TRIO: variants seen among roughly 807,000 people sequenced by gnomAD.
TRIO encodes trio Rho guanine nucleotide exchange factor, also known as triple functional domain protein.
Under a neutral mutation model 351.9 loss-of-function variants are expected in TRIO, and 58 were observed. The ratio of observed to expected loss-of-function variants is 0.16; its 90% CI spans 0.13 to 0.21. The LOEUF (loss-of-function observed/expected upper bound fraction) is 0.21, where lower values mean the gene tolerates loss of function less well. Ranked by LOEUF, TRIO falls within the 10% of genes least tolerant of loss-of-function variation. TRIO has a pLI of 1.00. For missense variants in TRIO, 3,201 were observed against 4,027.8 expected (o/e 0.79, Z 5.56); for synonymous variants, 1,758 against 1,595.7 (o/e 1.10, Z -2.42).
chr5:14,487,808 C>A lies in TRIO; in HGVS notation c.7180C>A (p.Pro2394Thr), dbSNP rs1403489053. ...CGGCCCCAGCGCGCCCAGCAGGCGG[C>A]CCCCCGGCGCGGACGCCGAGGGGTC... ...EAGPSAPSRRPPGADAEGSER... is the reference protein window; with the variant it reads ...EAGPSAPSRRTPGADAEGSER... The change falls in exon 48 of 57, where the codon CCC (proline) becomes ACC (threonine). Residue 2394 changes from proline (P) to threonine (T), a missense_variant. Around this residue, in one of 19 missense-constraint regions of TRIO, gnomAD observed 1,089 missense variants for 954.9 expected, o/e 1.14. Transcript: ENST00000344204. 3 of 1,416,114 alleles carry A rather than the reference C, an allele frequency of 2.1e-6. No individual in the cohort carries two copies. The highest frequency in any genetic ancestry group is 3.2e-5 in the East Asian group (1 of 31,314). The allele number at this position is 1,416,114 out of a possible 1,614,324, so 87.7% of individuals were successfully genotyped here. A position where few individuals can be genotyped will look rare whatever the true frequency, so the allele number is the denominator to read the frequency against.
At chr5:14,409,775 C>T (rs1237215092) in intron 33 of TRIO, among the ~76,000 whole-genome samples, 1 of 146,882 alleles carries the variant, frequency 6.8e-6, no homozygotes, top group African/African-American at 2.5e-5. Flanking sequence ...GCAGAGCTTG[C>T]AGTGAGCCAA....
rs779397277 is a variant in TRIO, at chr5:14,366,948, G to A, written c.2843G>A (p.Arg948Gln). Residue 948 changes from arginine to glutamine, a missense_variant, in exon 16 of 57, where the codon CGA becomes CAA. By Grantham distance (43) the Arg-to-Gln change is conservative. Coordinates refer to ENST00000344204, the MANE Select transcript of TRIO (RefSeq NM_007118.4). The part of the protein sequence containing the change: ...SSLQEAEQLQ[R>Q]EHEQFQHAIE... ...TTACAAGAGGCAGAGCAGCTCCAGC[G>A]AGAGCACGAGCAGTTCCAGCATGCC... 7 of 1,614,176 alleles carry A rather than the reference G, an allele frequency of 4.3e-6. No individual in the cohort carries two copies. Among genetic ancestry groups the A allele is most frequent in the Admixed American group, 1.7e-5 (1 of 60,030 alleles).
intron 1 of TRIO, among the ~76,000 whole-genome samples, chr5:14,169,197 C>CTTTTTTTTTTTTTTTTTTTTT (rs3994005): frequency 7.1e-6 from 1 of 140,410 alleles, no homozygotes; most frequent in Non-Finnish European, 1.6e-5. Context: ...ATAAAACTGC[C>CTTTTTTTTTTTTTTTTTTTTT]TTTTTTTTTT....
chr5:14,288,530 G>A (rs1259498936), intron 4 of TRIO, among the ~76,000 whole-genome samples: 24 of 152,162 alleles, frequency 1.6e-4, no homozygotes, highest in Admixed American at 1.6e-3. Flanking sequence ...AGCCGGGCGT[G>A]GTGGCAGGCA....
At chr5:14,231,455 A>C (rs1322421490) in intron 1 of TRIO, among the ~76,000 whole-genome samples, 1 of 152,192 alleles carries the variant, frequency 6.6e-6, no homozygotes, top group African/African-American at 2.4e-5. Flanking sequence ...TATACATTTT[A>C]TTATTGGACC....
At chr5:14,328,756 G>T (rs773351708) in intron 9 of TRIO, among the ~76,000 whole-genome samples, 1 of 152,120 alleles carries the variant, frequency 6.6e-6, no homozygotes, top group Non-Finnish European at 1.5e-5. Context: ...GGAACCTGAA[G>T]CTGAGAAGGA....
At chr5:14,187,915 T>C (rs950006317) in intron 1 of TRIO, among the ~76,000 whole-genome samples, 10 of 152,226 alleles carry the variant, frequency 6.6e-5, no homozygotes, top group Non-Finnish European at 1.5e-4. Context: ...CTGAAGTTTT[T>C]ATTTGTTCTG....
intron 15 of TRIO, among the ~76,000 whole-genome samples, chr5:14,366,637 G>C (rs1744619974): frequency 6.6e-6 from 1 of 152,086 alleles, no homozygotes; most frequent in Admixed American, 6.5e-5. Flanking sequence ...TTTCCCATTT[G>C]CTACTAAAAA....
At chr5:14,365,894 G>A (rs1428943982) in intron 15 of TRIO, among the ~76,000 whole-genome samples, 2 of 152,118 alleles carry the variant, frequency 1.3e-5, no homozygotes, top group Non-Finnish European at 2.9e-5. Context: ...GAAGGGGAAC[G>A]CATAATGAGA....
chr5:14,293,020 C>T lies in TRIO; in HGVS notation c.1062C>T (p.Asp354=). The T allele has an allele frequency of 6.2e-7, 1 of 1,614,100 alleles. No homozygotes were observed. Among genetic ancestry groups the T allele is most frequent in the Non-Finnish European group, 8.5e-7 (1 of 1,180,000 alleles). The stretch of plus-strand genomic sequence containing the variant: ...CTTTTTCCTTCCGGTAGATGTTTGA[C>T]TGGATCACACACAACAAAGGCCTGT... The part of the protein sequence containing the change: ...LFEQDAEKMF[D]WITHNKGLFL... Residue 354 remains aspartate, a synonymous_variant, in exon 6 of 57, where the codon GAC becomes GAT. Coordinates refer to ENST00000344204, the MANE Select transcript of TRIO (RefSeq NM_007118.4).
intron 1 of TRIO, among the ~76,000 whole-genome samples, chr5:14,187,942 T>A (rs111940106): frequency 6.6e-6 from 1 of 152,152 alleles, no homozygotes; most frequent in East Asian, 1.9e-4. Context: ...AGCCAATCTT[T>A]ATTGCGTGAG....
chr5:14,416,207 A>T (rs1749628138), intron 33 of TRIO, among the ~76,000 whole-genome samples: 1 of 150,358 alleles, frequency 6.7e-6, no homozygotes, highest in Non-Finnish European at 1.5e-5. Flanking sequence ...AATGTTTTCT[A>T]GTTCGGAATT....
In TRIO at chr5:14,498,348, G is replaced by C. The variant is rs998929074; in HGVS notation, c.8210+97G>C. On this transcript the variant is annotated intron_variant, in intron 52 of 56. Coordinates refer to ENST00000344204, the MANE Select transcript of TRIO (RefSeq NM_007118.4). The stretch of plus-strand genomic sequence containing the variant: ...CCTCCTTCACGGATGGATTTCTTTG[G>C]CTGCCTTCGGCACTCCACTTCTTCC... The C allele has an allele frequency of 1.3e-5, 20 of 1,532,046 alleles. No homozygotes were observed. In the African/African-American group the frequency reaches 2.5e-4, roughly 19 times the overall value. 94.9% of individuals were successfully genotyped at this position (1,532,046 alleles called of 1,614,324 possible).
intron 37 of TRIO, among the ~76,000 whole-genome samples, chr5:14,468,451 C>T (rs1255948537): frequency 6.6e-6 from 1 of 152,246 alleles, no homozygotes; most frequent in East Asian, 1.9e-4. Flanking sequence ...GTGCCTTCCC[C>T]TCCCTTGGGA....
chr5:14,356,233 G>A (rs1193672403), intron 11 of TRIO, among the ~76,000 whole-genome samples: 4 of 152,144 alleles, frequency 2.6e-5, no homozygotes, highest in African/African-American at 9.7e-5. Context: ...TGAACAAATT[G>A]TAGTATGGAA....
At chr5:14,393,642 G>T (rs73749234) in intron 27 of TRIO, among the ~76,000 whole-genome samples, 5,179 of 152,266 alleles carry the variant, frequency 0.034, 307 homozygotes, top group African/African-American at 0.12. Flanking sequence ...GTAAAGTGGT[G>T]AGTAGCACAG....
chr5:14,502,673 C>T lies in TRIO; in HGVS notation c.8411+16C>T. On this transcript the variant is annotated intron_variant, in intron 54 of 56. Transcript: ENST00000344204. The stretch of plus-strand genomic sequence containing the variant: ...AGCTTGGCAGGTATGATGCACAACC[C>T]AGAACGCCTTCCGAAAGAGCAGAGC... 2 of 1,613,734 alleles carry T rather than the reference C, an allele frequency of 1.2e-6. No homozygotes were observed. Among genetic ancestry groups the T allele is most frequent in the Non-Finnish European group, 1.7e-6 (2 of 1,179,722 alleles).
chr5:14,284,796 T>C (rs1736300758), intron 3 of TRIO, among the ~76,000 whole-genome samples: 1 of 152,200 alleles, frequency 6.6e-6, no homozygotes, highest in South Asian at 2.1e-4. Flanking sequence ...ATAAAACATA[T>C]TGCCACCGTT....
intron 1 of TRIO, among the ~76,000 whole-genome samples, chr5:14,158,349 C>T (rs567525956): frequency 2.6e-5 from 4 of 151,270 alleles, no homozygotes; most frequent in African/African-American, 4.9e-5. Flanking sequence ...CGCTTGAACC[C>T]GGGAGGCAGA....
Sources: gnomAD v4.1 joint callset for allele counts (sites outside exome capture counted in the v4.1 genomes callset) on GRCh38, gnomAD v4.1.1 for gene constraint, gnomAD v4.1.1 regional missense constraint, MANE v1.5 for transcripts, NCBI Gene and HGNC (gene_info 2026-07-23, HGNC 2026-07-21) for gene names.